RELN: variants seen among roughly 807,000 people sequenced by gnomAD.
RELN encodes reelin.
In RELN, 108 loss-of-function variants were observed where a neutral mutation model predicts 427.6. The ratio of observed to expected loss-of-function variants is 0.25; its 90% CI spans 0.22 to 0.30. The LOEUF is 0.30. Ranked by LOEUF, RELN falls within the 10% of genes least tolerant of loss-of-function variation. The pLI is 1.00. For missense variants in RELN, 3,715 were observed against 4,302.8 expected (o/e 0.86, Z 3.82); for synonymous variants, 1,524 against 1,513.4 (o/e 1.01, Z -0.16).
intron 2 of RELN, among the ~76,000 whole-genome samples, chr7:103,867,193 T>C (rs1056238167): frequency 6.6e-6 from 1 of 151,034 alleles, no homozygotes; most frequent in Non-Finnish European, 1.5e-5. Context: ...GTGGATCTTG[T>C]TACAAAGTAA....
At chr7:103,608,959 A>T (rs139025236) in intron 22 of RELN, among the ~76,000 whole-genome samples, 32 of 152,312 alleles carry the variant, frequency 2.1e-4, no homozygotes, top group African/African-American at 7.5e-4. Context: ...GCGGTGGGTC[A>T]TGCCTATAAT....
intron 2 of RELN, among the ~76,000 whole-genome samples, chr7:103,837,215 T>C (rs559631272): frequency 6.6e-6 from 1 of 152,322 alleles, no homozygotes; most frequent in South Asian, 2.1e-4. Context: ...CTCACTCCCA[T>C]GTTCCATCAA....
intron 19 of RELN, among the ~76,000 whole-genome samples, chr7:103,633,055 AGACT>A (rs1183513521): frequency 6.6e-6 from 1 of 152,164 alleles, no homozygotes; most frequent in Non-Finnish European, 1.5e-5. Context: ...TTGAATTAAA[AGACT>A]AACTTAGATA....
chr7:103,783,164 CTT>C (rs34257358), intron 3 of RELN, among the ~76,000 whole-genome samples: 3 of 109,314 alleles, frequency 2.7e-5, no homozygotes, highest in Non-Finnish European at 4.1e-5. Flanking sequence ...CTCTTTCTTT[CTT>C]TTTTTTTTTT....
At chr7:103,954,224 C>T (rs1312473222) in intron 1 of RELN, among the ~76,000 whole-genome samples, 1 of 152,206 alleles carries the variant, frequency 6.6e-6, no homozygotes, top group Non-Finnish European at 1.5e-5. Context: ...CGCACCATTG[C>T]ACTTCATCCT....
chr7:103,839,283 T>A (rs1184585047), intron 2 of RELN, among the ~76,000 whole-genome samples: 2 of 150,760 alleles, frequency 1.3e-5, no homozygotes, highest in African/African-American at 4.9e-5. Flanking sequence ...TCAAACACTA[T>A]GACTATACAG....
intron 60 of RELN, among the ~76,000 whole-genome samples, chr7:103,486,829 A>G (rs62480382): frequency 5.6e-4 from 86 of 152,340 alleles, no homozygotes; most frequent in Non-Finnish European, 1.1e-3. Flanking sequence ...TAGTTCAACC[A>G]TTGTAGAAGA....
chr7:103,582,832 A>G (rs1831184469), intron 28 of RELN, among the ~76,000 whole-genome samples: 1 of 152,216 alleles, frequency 6.6e-6, no homozygotes, highest in Non-Finnish European at 1.5e-5. Context: ...GAGATAGGTT[A>G]TGTTGCGGCA....
At chr7:103,876,969 C>T (rs1363996138) in intron 2 of RELN, among the ~76,000 whole-genome samples, 1 of 151,990 alleles carries the variant, frequency 6.6e-6, no homozygotes, top group Non-Finnish European at 1.5e-5. Flanking sequence ...CACTTGATTT[C>T]TCCATAGCTT....
chr7:103,782,408 T>C (rs1791914004), intron 3 of RELN, among the ~76,000 whole-genome samples: 1 of 152,144 alleles, frequency 6.6e-6, no homozygotes, highest in South Asian at 2.1e-4. Flanking sequence ...ACAACTTCTT[T>C]AATCACTCTA....
intron 10 of RELN, among the ~76,000 whole-genome samples, chr7:103,692,918 A>G (rs1360802098): frequency 1.3e-5 from 2 of 152,048 alleles, no homozygotes; most frequent in African/African-American, 4.8e-5. Context: ...GCCCCTAAAG[A>G]TGGAGGGGAA....
In RELN at chr7:103,989,579, C is replaced by G; in HGVS notation, c.-223G>C. 1 of 402,572 alleles carries G rather than the reference C, an allele frequency of 2.5e-6. No individual in the cohort carries two copies. Among genetic ancestry groups the G allele is most frequent in the Non-Finnish European group, 4.2e-6 (1 of 236,436 alleles). The allele number at this position is 402,572 out of a possible 1,614,324, so 24.9% of individuals were successfully genotyped here. A position where few individuals can be genotyped will look rare whatever the true frequency, so the allele number is the denominator to read the frequency against. ...GGGCCGCGGGAGCGCGGGACCGGGG[C>G]TGCGGGCGCCGAGAGCGCGTCGTCT... On this transcript the variant is annotated 5_prime_UTR_variant, in exon 1 of 65. Transcript: ENST00000428762. The surrounding 1 kb of genome is among the most constrained non-coding windows in gnomAD (Gnocchi z 4.9).
chr7:103,723,861 G>A (rs141866349), intron 7 of RELN, among the ~76,000 whole-genome samples: 1 of 152,102 alleles, frequency 6.6e-6, no homozygotes, highest in Admixed American at 6.5e-5. Flanking sequence ...TATGAACCTA[G>A]AAATAGTCTT....
intron 8 of RELN, among the ~76,000 whole-genome samples, chr7:103,709,529 T>C (rs1219362223): frequency 6.6e-6 from 1 of 152,202 alleles, no homozygotes; most frequent in Admixed American, 6.5e-5. Context: ...AGGACCACAG[T>C]GGTAAGACAT....
intron 3 of RELN, among the ~76,000 whole-genome samples, chr7:103,779,187 G>GGGGCAACAGCCAATGTTCC (rs373157981): frequency 1.4e-3 from 210 of 152,252 alleles, no homozygotes; most frequent in African/African-American, 4.8e-3. Context: ...AAGAGAAGGA[G>GGGGCAACAGCCAATGTTCC]GGGCAACAGC....
At chr7:103,659,006 C>G (rs1584384047) in intron 12 of RELN, among the ~76,000 whole-genome samples, 1 of 151,748 alleles carries the variant, frequency 6.6e-6, no homozygotes, top group South Asian at 2.1e-4. Flanking sequence ...AATTGTTTGT[C>G]TTATGCTACC....
At chr7:103,761,823 G>A (rs1433904330) in intron 4 of RELN, among the ~76,000 whole-genome samples, 5 of 152,186 alleles carry the variant, frequency 3.3e-5, no homozygotes, top group African/African-American at 1.2e-4. Flanking sequence ...TTGAGAACTT[G>A]AAGAGATGAA....
In RELN at chr7:103,542,603, GAGAGA is replaced by G. The variant is rs2012956228; in HGVS notation, c.6671+123_6671+127del. 5 of 905,470 alleles carry G rather than the reference GAGAGA, an allele frequency of 5.5e-6. No homozygotes were observed. The Admixed American group carries it at 1.0e-4, about 19-fold the overall frequency. 56.1% of individuals were successfully genotyped at this position (905,470 alleles called of 1,614,324 possible). On this transcript the variant is annotated intron_variant, in intron 43 of 64. Transcript: ENST00000428762. Reference sequence around the variant, plus strand: ...GTGTCTTCCTGAAAGCTTTGATAAAGAGAGAAGTTCAGTATTTACAATGGAAGGCC... The same window carrying G: ...GTGTCTTCCTGAAAGCTTTGATAAAGAGTTCAGTATTTACAATGGAAGGCC...
At chr7:103,982,232 T>C (rs764960013) in intron 1 of RELN, among the ~76,000 whole-genome samples, 19 of 152,026 alleles carry the variant, frequency 1.2e-4, no homozygotes, top group Non-Finnish European at 2.2e-4. Context: ...ATCGCTGAAT[T>C]ATACCGCCAA....
Sources: allele counts gnomAD v4.1 joint callset (sites outside exome capture counted in the v4.1 genomes callset), GRCh38; gene constraint gnomAD v4.1.1; non-coding constraint Gnocchi (gnomAD v3.1); transcripts MANE v1.5; gene names NCBI Gene and HGNC (gene_info 2026-07-23, HGNC 2026-07-21).